Variants in MYLK observed in about 807,000 individuals in gnomAD.
The protein encoded by MYLK is myosin light chain kinase, smooth muscle.
A neutral mutation model predicts 203.4 loss-of-function variants in MYLK; 106 were observed. That is an observed-to-expected ratio of 0.52 (90% CI 0.45 to 0.61). MYLK has a LOEUF of 0.61. Among genes scored for constraint, MYLK ranks in the 20% least tolerant of loss-of-function variants. MYLK has a pLI of 0.00. For missense variants in MYLK, 2,072 were observed against 2,442.3 expected, an observed-to-expected ratio of 0.85 and a Z score of 3.20; for synonymous variants, 867 against 959.5, an observed-to-expected ratio of 0.90 and a Z score of 1.78.
chr3:123,875,621 CA>C (rs755314931), intron 2 of MYLK, among the ~76,000 whole-genome samples: 3 of 152,042 alleles, frequency 2.0e-5, no homozygotes, highest in Non-Finnish European at 2.9e-5. Flanking sequence ...CAGAATTGTA[CA>C]TTAAAACAGG....
intron 13 of MYLK, among the ~76,000 whole-genome samples, chr3:123,721,170 T>C (rs2062073117): frequency 6.6e-6 from 1 of 152,156 alleles, no homozygotes; most frequent in African/African-American, 2.4e-5. Flanking sequence ...CTGCGAAACT[T>C]CCTCCTGCAG....
chr3:123,656,025 G>T (rs1270861906), intron 24 of MYLK, among the ~76,000 whole-genome samples: 2 of 152,142 alleles, frequency 1.3e-5, no homozygotes, highest in East Asian at 3.9e-4. Flanking sequence ...CATCAAGTAT[G>T]GTCACTTCTA....
rs1193164580 is a variant in MYLK, at chr3:123,629,650, C to G, written c.4962-24G>C. On this transcript the variant is annotated intron_variant, in intron 29 of 33. Coordinates refer to ENST00000360304, the MANE Select transcript of MYLK (RefSeq NM_053025.4). This position sits in a 1 kb window ranked among gnomAD's most constrained non-coding sequence, Gnocchi z 4.4. ...CTCTGGAGAGACAAGAGCAGGACAG[C>G]AGGTGTGGCTAGGAGAGGGCGCGAC... 1 of 1,613,062 alleles carries G rather than the reference C, an allele frequency of 6.2e-7. No homozygotes were observed. Among genetic ancestry groups the G allele is most frequent in the Non-Finnish European group, 8.5e-7 (1 of 1,179,976 alleles).
intron 4 of MYLK, among the ~76,000 whole-genome samples, chr3:123,755,825 G>T (rs1281399662): frequency 6.6e-6 from 1 of 152,082 alleles, no homozygotes; most frequent in African/African-American, 2.4e-5. Context: ...TTTTCAGAGG[G>T]CTGCCATGTA....
chr3:123,830,008 C>T (rs780545967), intron 3 of MYLK, among the ~76,000 whole-genome samples: 1 of 152,220 alleles, frequency 6.6e-6, no homozygotes, highest in Non-Finnish European at 1.5e-5. Flanking sequence ...CTTTTCCTCA[C>T]TGCAAATGTT....
intron 3 of MYLK, among the ~76,000 whole-genome samples, chr3:123,803,092 G>A (rs1036786232): frequency 5.3e-5 from 8 of 152,134 alleles, no homozygotes; most frequent in Non-Finnish European, 1.0e-4. Flanking sequence ...AACAAGAACC[G>A]AGCTCATGGC....
chr3:123,770,448 G>A (rs1056313900), intron 4 of MYLK, among the ~76,000 whole-genome samples: 1 of 152,342 alleles, frequency 6.6e-6, no homozygotes, highest in South Asian at 2.1e-4. Flanking sequence ...AAGGAGCCGA[G>A]CATGAGTCTT....
chr3:123,764,091 G>T (rs1191241230), intron 4 of MYLK, among the ~76,000 whole-genome samples: 1 of 151,966 alleles, frequency 6.6e-6, no homozygotes, highest in Non-Finnish European at 1.5e-5. Flanking sequence ...CCCTTTTTCA[G>T]TTTCTCAAAA....
chr3:123,729,332 G>A (rs2062399461), intron 11 of MYLK, among the ~76,000 whole-genome samples: 2 of 152,170 alleles, frequency 1.3e-5, no homozygotes, highest in South Asian at 4.1e-4. Context: ...ACTAAGCAGG[G>A]ACTTCTGTGG....
In MYLK at chr3:123,629,682, G is replaced by A; in HGVS notation, c.4962-56C>T. The A allele has an allele frequency of 3.1e-6, 5 of 1,601,924 alleles. No homozygotes were observed. The South Asian group carries it at 5.5e-5, about 18-fold the overall frequency. On this transcript the variant is annotated intron_variant, in intron 29 of 33. Coordinates refer to ENST00000360304, the MANE Select transcript of MYLK (RefSeq NM_053025.4). This position sits in a 1 kb window ranked among gnomAD's most constrained non-coding sequence, Gnocchi z 4.4. ...GGCTAGGAGAGGGCGCGACGACCAG[G>A]TGAGTGGTAACTGAGGTCAAAGGCG...
chr3:123,759,742 C>T (rs2063475260), intron 4 of MYLK, among the ~76,000 whole-genome samples: 1 of 152,178 alleles, frequency 6.6e-6, no homozygotes, highest in Non-Finnish European at 1.5e-5. Context: ...TTCACAGAGA[C>T]CCAAAACTGA....
chr3:123,635,306 C>A (rs566828467), intron 29 of MYLK, among the ~76,000 whole-genome samples: 1 of 152,344 alleles, frequency 6.6e-6, no homozygotes, highest in South Asian at 2.1e-4. Flanking sequence ...GCATAGCAGG[C>A]GCTTAAAGGA....
At chr3:123,877,026 G>A (rs1388846475) in intron 1 of MYLK, among the ~76,000 whole-genome samples, 2 of 152,154 alleles carry the variant, frequency 1.3e-5, no homozygotes, top group Admixed American at 6.5e-5. Flanking sequence ...GCAGCCTCTG[G>A]GGGCAGTATC....
At chr3:123,707,010 G>C (rs192663374) in intron 16 of MYLK, among the ~76,000 whole-genome samples, 62 of 152,336 alleles carry the variant, frequency 4.1e-4, no homozygotes, top group African/African-American at 1.4e-3. Flanking sequence ...AAGTGATGGC[G>C]TGTGGCTTCC....
intron 8 of MYLK, 109 bp downstream of exon 8, chr3:123,737,269 A>T: frequency 7.5e-7 from 1 of 1,336,184 alleles, no homozygotes; most frequent in Non-Finnish European, 1.1e-6. Context: ...TGGGTGTGTG[A>T]GTGGGCCAGG....
At chr3:123,785,270 G>T (rs183458022) in intron 4 of MYLK, among the ~76,000 whole-genome samples, 3 of 152,338 alleles carry the variant, frequency 2.0e-5, no homozygotes, top group South Asian at 2.1e-4. Context: ...GTCAGGAAGG[G>T]AAGTTAAGAC....
chr3:123,771,689 T>C (rs747509494), intron 4 of MYLK, among the ~76,000 whole-genome samples: 2 of 152,178 alleles, frequency 1.3e-5, no homozygotes, highest in Non-Finnish European at 1.5e-5. Flanking sequence ...AGTTGAAAAT[T>C]TTCTAAATTG....
At chr3:123,858,108 C>T (rs940229434) in intron 2 of MYLK, among the ~76,000 whole-genome samples, 26 of 152,182 alleles carry the variant, frequency 1.7e-4, no homozygotes, top group Non-Finnish European at 2.1e-4. Flanking sequence ...GCTGCTCCTG[C>T]TACAGAGGCT....
intron 13 of MYLK, among the ~76,000 whole-genome samples, chr3:123,720,390 T>TTGGCTG (rs2062045153): frequency 6.6e-6 from 1 of 152,092 alleles, no homozygotes; most frequent in African/African-American, 2.4e-5. Flanking sequence ...GGATTAGTCC[T>TTGGCTG]TGGCTGTGGC....
Sources: allele counts gnomAD v4.1 joint callset (sites outside exome capture counted in the v4.1 genomes callset), GRCh38; gene constraint gnomAD v4.1.1; non-coding constraint Gnocchi (gnomAD v3.1); transcripts MANE v1.5; gene names NCBI Gene and HGNC (gene_info 2026-07-23, HGNC 2026-07-21).